The following PRKN variants were observed in gnomAD, a reference collection of about 807,000 sequenced individuals.
PRKN encodes E3 ubiquitin-protein ligase parkin.
In PRKN, 56 loss-of-function variants were observed where a neutral mutation model predicts 59.5. The observed-to-expected ratio is 0.94, with a 90% confidence interval of 0.76 to 1.18. PRKN has a LOEUF of 1.18. Among genes scored for constraint, PRKN ranks in the 50% most tolerant of loss-of-function variants. The probability of loss-of-function intolerance (pLI) is 0.00; values close to 1 mark genes in which losing one functional copy is unlikely to be tolerated. For synonymous variants in PRKN, 250 were observed against 222.1 expected, an observed-to-expected ratio of 1.13 and a Z score of -1.12; for missense variants, 657 against 596.4, an observed-to-expected ratio of 1.10 and a Z score of -1.06.
intron 1 of PRKN, among the ~76,000 whole-genome samples, chr6:162,647,867 A>T (rs931056084): frequency 2.0e-5 from 3 of 146,692 alleles, no homozygotes; most frequent in African/African-American, 5.0e-5. Context: ...AACAATGAAG[A>T]AGTACTTTCT....
intron 2 of PRKN, among the ~76,000 whole-genome samples, chr6:162,362,118 AGGATACTCAT>A (rs1185073238): frequency 6.6e-6 from 1 of 152,246 alleles, no homozygotes; most frequent in East Asian, 1.9e-4. Flanking sequence ...AAGTATCAAA[AGGATACTCAT>A]TTATAAAATT....
chr6:162,163,913 C>G (rs1205150060), intron 4 of PRKN, among the ~76,000 whole-genome samples: 1 of 149,182 alleles, frequency 6.7e-6, no homozygotes, highest in East Asian at 1.9e-4. Context: ...TTAAACCAAC[C>G]CCACTGCTCT....
intron 6 of PRKN, among the ~76,000 whole-genome samples, chr6:161,807,409 A>T (rs1791380343): frequency 6.6e-6 from 1 of 152,244 alleles, no homozygotes; most frequent in African/African-American, 2.4e-5. Context: ...GTGCATACAC[A>T]CATAAACAGA....
intron 4 of PRKN, among the ~76,000 whole-genome samples, chr6:162,168,422 C>T (rs183342612): frequency 1.3e-5 from 2 of 151,830 alleles, no homozygotes; most frequent in East Asian, 3.9e-4. Flanking sequence ...AAAGTTCATA[C>T]TGGCTACTTG....
chr6:161,609,600 A>T (rs1488773264), intron 7 of PRKN, among the ~76,000 whole-genome samples: 1 of 152,248 alleles, frequency 6.6e-6, no homozygotes, highest in African/African-American at 2.4e-5. Context: ...GGCTTCGGGC[A>T]GATGGTTGGC....
At chr6:162,005,269 A>C (rs548730076) in intron 5 of PRKN, among the ~76,000 whole-genome samples, 1 of 152,356 alleles carries the variant, frequency 6.6e-6, no homozygotes, top group African/African-American at 2.4e-5. Flanking sequence ...TGGTAATAAA[A>C]GAAATAAAGT....
chr6:161,799,554 C>T (rs1380042787), intron 6 of PRKN, among the ~76,000 whole-genome samples: 3 of 152,212 alleles, frequency 2.0e-5, no homozygotes, highest in Non-Finnish European at 4.4e-5. Flanking sequence ...GGCACAAGAA[C>T]TTTGAAGAGG....
At chr6:162,118,578 T>C (rs1177502840) in intron 4 of PRKN, among the ~76,000 whole-genome samples, 4 of 152,176 alleles carry the variant, frequency 2.6e-5, no homozygotes, top group East Asian at 1.9e-4. Context: ...GCTCAGTCAA[T>C]GCCAAGCAAA....
intron 1 of PRKN, among the ~76,000 whole-genome samples, chr6:162,465,032 A>G (rs1333222368): frequency 6.6e-6 from 1 of 152,132 alleles, no homozygotes; most frequent in Admixed American, 6.6e-5. Context: ...CCTATTCTGC[A>G]ACACCTCACC....
chr6:162,250,899 G>A (rs545774691), intron 3 of PRKN, among the ~76,000 whole-genome samples: 100 of 138,642 alleles, frequency 7.2e-4, no homozygotes, highest in Non-Finnish European at 1.0e-3. Context: ...TAATGTATTT[G>A]GGTTTTTTAG....
Position 161,585,975 on chromosome 6 carries a change from TTTAA to T in PRKN, c.872-16563_872-16560del, listed in dbSNP as rs774041389. On this transcript the variant is annotated intron_variant, in intron 7 of 11. Coordinates refer to ENST00000366898, the MANE Select transcript of PRKN (RefSeq NM_004562.3). The stretch of plus-strand genomic sequence containing the variant: ...GGGTAAATTTGTAAGGAAGAATTTC[TTTAA>T]TTGTTTTTCCAAACATGCAATTCTG... 3.2e-4 allele frequency among the ~76,000 whole-genome samples: 48 copies of T among 152,176 alleles called. 1 individual carries two copies. The highest frequency in any genetic ancestry group is 9.4e-4 in the African/African-American group (39 of 41,440).
intron 2 of PRKN, among the ~76,000 whole-genome samples, chr6:162,439,545 C>T (rs1172533961): frequency 6.6e-6 from 1 of 152,140 alleles, no homozygotes; most frequent in Non-Finnish European, 1.5e-5. Flanking sequence ...TGTCCACATT[C>T]TTCTCACTAC....
chr6:162,320,409 C>CAAAAA (rs1242898622), intron 2 of PRKN, among the ~76,000 whole-genome samples: 1 of 17,590 alleles, frequency 5.7e-5, no homozygotes. Flanking sequence ...ATCAAACAAG[C>CAAAAA]AAAAAAAACC....
In PRKN at chr6:161,549,016, A is replaced by G; in HGVS notation, c.934-13T>C. 1.2e-6 allele frequency: 2 copies of G among 1,614,170 alleles called. No homozygotes were observed. On this transcript the variant is annotated splice_polypyrimidine_tract_variant and intron_variant, in intron 8 of 11. Transcript: ENST00000366898. The surrounding 1 kb of genome is among the most constrained non-coding windows in gnomAD (Gnocchi z 6.0). ...GGTACCGGTTGTACTGCAAAACCCA[A>G]AAAGCAGATTGAGCTTTCAAACTGA...
Position 161,405,981 on chromosome 6 carries a change from T to C in PRKN, c.1084-19104A>G, listed in dbSNP as rs986756096. ...ACATATATCTGACACTGGCTCAGCATGGGAGTAAACCCACCTCCTTAAGAG... is the reference window on the plus strand; with the variant it reads ...ACATATATCTGACACTGGCTCAGCACGGGAGTAAACCCACCTCCTTAAGAG... On this transcript the variant is annotated intron_variant, in intron 9 of 11. Coordinates refer to ENST00000366898, the MANE Select transcript of PRKN (RefSeq NM_004562.3). This position sits in a 1 kb window ranked among gnomAD's most constrained non-coding sequence, Gnocchi z 5.1. 2.0e-5 allele frequency among the ~76,000 whole-genome samples: 3 copies of C among 152,146 alleles called. No homozygotes were observed. Among genetic ancestry groups the C allele is most frequent in the African/African-American group, 7.2e-5 (3 of 41,410 alleles).
At chr6:161,916,957 A>G (rs1778587600) in intron 6 of PRKN, among the ~76,000 whole-genome samples, 1 of 151,904 alleles carries the variant, frequency 6.6e-6, no homozygotes, top group African/African-American at 2.4e-5. Flanking sequence ...GCCCGCCACC[A>G]TGCCCGGCTA....
intron 5 of PRKN, among the ~76,000 whole-genome samples, chr6:162,032,618 C>T (rs554484128): frequency 7.2e-5 from 11 of 152,240 alleles, no homozygotes; most frequent in South Asian, 2.1e-4. Context: ...GCATGATTAT[C>T]GCTTCATATC....
chr6:162,048,236 C>T (rs1269594560), intron 5 of PRKN, among the ~76,000 whole-genome samples: 2 of 151,738 alleles, frequency 1.3e-5, no homozygotes, highest in Non-Finnish European at 2.9e-5. Flanking sequence ...AAATCAACAC[C>T]CCTCAATAAG....
chr6:162,297,541 ACAGTGTAATAACACAAAGAAAT>A (rs1166400792), intron 2 of PRKN, among the ~76,000 whole-genome samples: 1 of 152,184 alleles, frequency 6.6e-6, no homozygotes, highest in African/African-American at 2.4e-5. Flanking sequence ...TAGGAGGCAT[ACAGTGTAATAACACAAAGAAAT>A]TATTGTGGGT....
Sources: allele counts gnomAD v4.1 joint callset (sites outside exome capture counted in the v4.1 genomes callset), GRCh38; gene constraint gnomAD v4.1.1; non-coding constraint Gnocchi (gnomAD v3.1); transcripts MANE v1.5; gene names NCBI Gene and HGNC (gene_info 2026-07-23, HGNC 2026-07-21).